PTPRN2: variants seen among roughly 807,000 people sequenced by gnomAD.
The protein encoded by PTPRN2 is protein tyrosine phosphatase receptor type N2.
A neutral mutation model predicts 118.8 loss-of-function variants in PTPRN2; 74 were observed. The observed-to-expected ratio is 0.62, with a 90% CI of 0.52 to 0.76. The LOEUF is 0.76. Ranked by LOEUF, PTPRN2 falls within the 30% of genes least tolerant of loss-of-function variation. The pLI is 0.00. For missense variants in PTPRN2, 1,481 were observed against 1,394.4 expected (o/e 1.06, Z -0.99); for synonymous variants, 641 against 608.0 (o/e 1.05, Z -0.80).
In PTPRN2 at chr7:158,273,804, CAG is replaced by C. The variant is rs1418256867; in HGVS notation, c.277+43013_277+43014del. Among the ~76,000 whole-genome samples the C allele has an allele frequency of 2.5e-3, 145 of 59,108 alleles. 1 individual carries two copies. Among genetic ancestry groups the C allele is most frequent in the Non-Finnish European group, 4.4e-3 (119 of 27,114 alleles). 38.8% of individuals were successfully genotyped at this position (59,108 alleles called of 152,430 possible). ...CCGCAGACACGGGGAGCCGCAGACACAGGGGGAGCCGCAGGCATGGGGGAGCC... is the reference window on the plus strand; with the variant it reads ...CCGCAGACACGGGGAGCCGCAGACACGGGGAGCCGCAGGCATGGGGGAGCC... On this transcript the variant is annotated intron_variant, in intron 3 of 22. Transcript: ENST00000389418.
At position 158,252,321 on chromosome 7, in the gene PTPRN2, A is replaced by G. The variant is rs182401976; in HGVS notation, c.278-47048T>C. On this transcript the variant is annotated intron_variant, in intron 3 of 22. Coordinates refer to ENST00000389418, the MANE Select transcript of PTPRN2 (RefSeq NM_002847.5). ...CTCTCAGTGCCAATTACTTGGAGGA[A>G]AAATGGAATCATCCCCGTGCCCAGG... 3.5e-3 allele frequency among the ~76,000 whole-genome samples: 530 copies of G among 152,274 alleles called. 4 individuals are homozygous for G. The highest frequency in any genetic ancestry group is 0.012 in the African/African-American group (506 of 41,558).
chr7:158,312,006 C>G (rs114992744), intron 3 of PTPRN2, among the ~76,000 whole-genome samples: 1 of 151,712 alleles, frequency 6.6e-6, no homozygotes, highest in Non-Finnish European at 1.5e-5. Context: ...TGCACACACA[C>G]CTGCACATTC....
rs767890629 is a variant in PTPRN2, at chr7:157,682,860, G to T, written c.1866C>A (p.Ser622=). ...STKFIALTLV[S]LACILGVLLA... is the part of the protein sequence containing the mutation. ...GGAGGACGCCCAGGATGCAGGCGAG[G>T]GAGACCAGGGTGAGCGCGATGAACT... Residue 622 remains serine, a synonymous_variant, in exon 13 of 23, where the codon TCC becomes TCA. Transcript: ENST00000389418. 3 of 1,614,020 alleles carry T rather than the reference G, an allele frequency of 1.9e-6. No individual in the cohort carries two copies. The highest frequency in any genetic ancestry group is 2.5e-6 in the Non-Finnish European group (3 of 1,179,966).
chr7:158,144,939 C>A lies in PTPRN2; in HGVS notation c.911-6424G>T, dbSNP rs188760246. ...AGCAAGCCACGTCTCCAGAATGCCA[C>A]GGCTCGGCAAGACTTCCCTCACATC... On this transcript the variant is annotated intron_variant, in intron 6 of 22. Coordinates refer to ENST00000389418, the MANE Select transcript of PTPRN2 (RefSeq NM_002847.5). Among the ~76,000 whole-genome samples the A allele has an allele frequency of 1.7e-3, 256 of 150,606 alleles. 4 individuals are homozygous for A. Among genetic ancestry groups the A allele is most frequent in the African/African-American group, 6.0e-3 (244 of 40,846 alleles).
intron 22 of PTPRN2, among the ~76,000 whole-genome samples, chr7:157,547,446 A>G (rs1798376995): frequency 6.6e-6 from 1 of 152,186 alleles, no homozygotes; most frequent in Admixed American, 6.5e-5. Context: ...TCCTTGGTAC[A>G]GAGAGGCCAG....
chr7:158,385,269 G>C (rs1811246942), intron 2 of PTPRN2, among the ~76,000 whole-genome samples: 2 of 150,360 alleles, frequency 1.3e-5, no homozygotes, highest in South Asian at 2.1e-4. Context: ...CCAGAGACAA[G>C]AGTCCCAACC....
At chr7:158,430,927 C>T (rs559578874) in intron 2 of PTPRN2, among the ~76,000 whole-genome samples, 19 of 152,164 alleles carry the variant, frequency 1.2e-4, no homozygotes, top group Non-Finnish European at 1.8e-4. Context: ...TGTGTCTGAC[C>T]GTGGAACCAA....
intron 12 of PTPRN2, among the ~76,000 whole-genome samples, chr7:157,696,415 C>A (rs1480255202): frequency 7.3e-6 from 1 of 137,700 alleles, no homozygotes; most frequent in Non-Finnish European, 1.5e-5. Flanking sequence ...CTTAGTAGAG[C>A]CCTCACCATC....
Position 158,482,127 on chromosome 7 carries a change from G to A in PTPRN2, c.163+7608C>T, listed in dbSNP as rs181471085. On this transcript the variant is annotated intron_variant, in intron 2 of 22. Coordinates refer to ENST00000389418, the MANE Select transcript of PTPRN2 (RefSeq NM_002847.5). Reference sequence around the variant, plus strand: ...AGGTGAGGAGTTGCTTCCTAGGGACGAGCAAAGAAAGTGGTTTCTGGAGAT... The same window carrying A: ...AGGTGAGGAGTTGCTTCCTAGGGACAAGCAAAGAAAGTGGTTTCTGGAGAT... Among the ~76,000 whole-genome samples the A allele has an allele frequency of 2.7e-4, 41 of 152,294 alleles. No homozygotes were observed. In the East Asian group the frequency reaches 7.5e-3, roughly 28 times the overall value.
chr7:158,318,676 C>T (rs1161813877), intron 2 of PTPRN2, among the ~76,000 whole-genome samples: 1 of 152,234 alleles, frequency 6.6e-6, no homozygotes, highest in African/African-American at 2.4e-5. Flanking sequence ...AAGGCGCTCT[C>T]GGCCGGCCCC....
rs138739868 is a variant in PTPRN2 at position 158,193,088 on chromosome 7, C to A, written c.381-593G>T. The stretch of plus-strand genomic sequence containing the variant: ...GTCCCTGCTGTTAAACAGTGATTCA[C>A]GCACCGCCATCGCGTGCACCATGCA... On this transcript the variant is annotated intron_variant, in intron 4 of 22. Coordinates refer to ENST00000389418, the MANE Select transcript of PTPRN2 (RefSeq NM_002847.5). Among the ~76,000 whole-genome samples the A allele has an allele frequency of 3.5e-3, 536 of 152,330 alleles. 2 individuals carry two copies. Among genetic ancestry groups the A allele is most frequent in the African/African-American group, 7.9e-3 (327 of 41,590 alleles).
intron 2 of PTPRN2, among the ~76,000 whole-genome samples, chr7:158,337,082 G>A (rs1379480266): frequency 1.1e-3 from 158 of 140,720 alleles, no homozygotes; most frequent in African/African-American, 3.5e-3. Flanking sequence ...ACCCGCAGAC[G>A]TCACTCACAC....
chr7:158,350,897 C>T (rs1026711076), intron 2 of PTPRN2, among the ~76,000 whole-genome samples: 2 of 152,218 alleles, frequency 1.3e-5, no homozygotes, highest in African/African-American at 4.8e-5. Flanking sequence ...GAATACAAAT[C>T]AATTTGTCTG....
intron 2 of PTPRN2, among the ~76,000 whole-genome samples, chr7:158,456,866 C>A (rs1052880927): frequency 6.6e-6 from 1 of 152,178 alleles, no homozygotes; most frequent in Non-Finnish European, 1.5e-5. Flanking sequence ...CCTCCACCTC[C>A]TGGGCTCAAT....
intron 12 of PTPRN2, among the ~76,000 whole-genome samples, chr7:157,833,394 G>A (rs368483229): frequency 5.3e-5 from 8 of 151,028 alleles, no homozygotes; most frequent in South Asian, 4.2e-4. Flanking sequence ...AGTGTGTGAC[G>A]TGGGGGGCGC....
chr7:157,740,900 C>T (rs1488932960), intron 12 of PTPRN2, among the ~76,000 whole-genome samples: 1 of 152,174 alleles, frequency 6.6e-6, no homozygotes, highest in Admixed American at 6.5e-5. Context: ...TTCCCATTAG[C>T]CTGAGCAAGG....
At chr7:157,895,495 C>T (rs1477957197) in intron 12 of PTPRN2, among the ~76,000 whole-genome samples, 1 of 152,072 alleles carries the variant, frequency 6.6e-6, no homozygotes, top group Admixed American at 6.5e-5. Flanking sequence ...AAGAAGATAT[C>T]AAACACATAA....
chr7:158,566,900 G>A lies in PTPRN2; in HGVS notation c.112+20658C>T, dbSNP rs1827704154. Among the ~76,000 whole-genome samples the A allele has an allele frequency of 2.6e-5, 4 of 152,246 alleles. No homozygotes were observed. In the South Asian group the frequency reaches 8.3e-4, roughly 32 times the overall value. On this transcript the variant is annotated intron_variant, in intron 1 of 22. Transcript: ENST00000389418. ...CAAGCAAATTTTTGTATTTTTAGTAGAGATGGTTTCACCATATTGGCCAGG... is the reference window on the plus strand; with the variant it reads ...CAAGCAAATTTTTGTATTTTTAGTAAAGATGGTTTCACCATATTGGCCAGG...
In PTPRN2 at chr7:157,546,995, T is replaced by C. The variant is rs117251350; in HGVS notation, c.2976+1951A>G. On this transcript the variant is annotated intron_variant, in intron 22 of 22. Coordinates refer to ENST00000389418, the MANE Select transcript of PTPRN2 (RefSeq NM_002847.5). Reference sequence around the variant, plus strand: ...TTGCCCAGACCCATCCTAAAGCCAGTGTGTGTTCTGGGCAAACTCACCTGT... The same window carrying C: ...TTGCCCAGACCCATCCTAAAGCCAGCGTGTGTTCTGGGCAAACTCACCTGT... 2.3e-3 allele frequency among the ~76,000 whole-genome samples: 355 copies of C among 152,346 alleles called. 1 individual carries two copies. The highest frequency in any genetic ancestry group is 0.017 in the South Asian group (83 of 4,832).
Sources: gnomAD v4.1 joint callset for allele counts (sites outside exome capture counted in the v4.1 genomes callset) on GRCh38, gnomAD v4.1.1 for gene constraint, MANE v1.5 for transcripts, NCBI Gene and HGNC (gene_info 2026-07-23, HGNC 2026-07-21) for gene names.